BCAR3: variants seen among roughly 807,000 people sequenced by gnomAD.
BCAR3 encodes breast cancer anti-estrogen resistance protein 3.
A neutral mutation model predicts 80.1 loss-of-function variants in BCAR3; 37 were observed. The observed-to-expected ratio is 0.46, with a 90% CI of 0.36 to 0.61. BCAR3 has a LOEUF of 0.61. Ranked by LOEUF, BCAR3 falls within the 20% of genes least tolerant of loss-of-function variation. The pLI, the probability that BCAR3 is intolerant of heterozygous loss-of-function variation, is 0.00. For missense variants in BCAR3, 978 were observed against 1,068.2 expected (o/e 0.92, Z 1.18); for synonymous variants, 389 against 418.9 (o/e 0.93, Z 0.87).
intron 3 of BCAR3, among the ~76,000 whole-genome samples, chr1:93,689,614 G>C (rs1460883197): frequency 6.6e-6 from 1 of 151,998 alleles, no homozygotes; most frequent in African/African-American, 2.4e-5. Flanking sequence ...AGTTGTAGGG[G>C]GGCAGGGAGC....
At chr1:93,823,614 C>A (rs1654294440) in intron 2 of BCAR3, among the ~76,000 whole-genome samples, 1 of 135,152 alleles carries the variant, frequency 7.4e-6, no homozygotes, top group African/African-American at 2.5e-5. Flanking sequence ...GAGAAGACAG[C>A]CCTGGCAGCC....
chr1:93,573,645 T>C (rs1673327489), intron 8 of BCAR3, among the ~76,000 whole-genome samples: 1 of 141,294 alleles, frequency 7.1e-6, no homozygotes, highest in African/African-American at 3.1e-5. Context: ...TTTTTTTTTT[T>C]TGAGACAGGG....
chr1:93,690,025 G>T (rs1649137509), intron 3 of BCAR3, among the ~76,000 whole-genome samples: 1 of 152,162 alleles, frequency 6.6e-6, no homozygotes, highest in South Asian at 2.1e-4. Flanking sequence ...ATCTGTAGAG[G>T]AATTATTTAA....
chr1:93,723,680 G>C lies in BCAR3; in HGVS notation c.-62-17538C>G, dbSNP rs1376863951. ...CAGGAACAACAAGACTTGGGAGGTT[G>C]TTCTTGAGGACTGAATGATCCTGAG... On this transcript the variant is annotated intron_variant, in intron 2 of 13. Coordinates refer to the BCAR3 transcript ENST00000370244. 5 of 152,080 alleles carry C rather than the reference G, an allele frequency of 3.3e-5. No individual in the cohort carries two copies. In the East Asian group the frequency reaches 9.6e-4, roughly 29 times the overall value. The allele number at this position is 152,080 out of a possible 1,614,324, so 9.4% of individuals were successfully genotyped here. A position where few individuals can be genotyped will look rare whatever the true frequency, so the allele number is the denominator to read the frequency against.
At chr1:93,658,311 G>C (rs1647486700) in intron 2 of BCAR3, among the ~76,000 whole-genome samples, 1 of 152,054 alleles carries the variant, frequency 6.6e-6, no homozygotes, top group Non-Finnish European at 1.5e-5. Context: ...AGAAATAAAA[G>C]GTATCAGGAC....
chr1:93,778,741 C>T (rs920961143), intron 2 of BCAR3, among the ~76,000 whole-genome samples: 5 of 152,162 alleles, frequency 3.3e-5, no homozygotes, highest in African/African-American at 1.2e-4. Flanking sequence ...TTCTCCAACC[C>T]TTCTTTGCTC....
At chr1:93,583,602 G>T (rs1236100766) in intron 6 of BCAR3, among the ~76,000 whole-genome samples, 1 of 152,142 alleles carries the variant, frequency 6.6e-6, no homozygotes, top group South Asian at 2.1e-4. Flanking sequence ...GAGTTGGCCT[G>T]GACAGCTGTT....
chr1:93,718,175 G>T (rs1470151348), intron 2 of BCAR3, among the ~76,000 whole-genome samples: 6 of 152,110 alleles, frequency 3.9e-5, no homozygotes, highest in Non-Finnish European at 5.9e-5. Context: ...AGAGGATGAG[G>T]AGAAGTTTCA....
chr1:93,627,891 A>G (rs1675498466), intron 3 of BCAR3, among the ~76,000 whole-genome samples: 1 of 152,202 alleles, frequency 6.6e-6, no homozygotes, highest in Admixed American at 6.5e-5. Context: ...ATAAGTTTTC[A>G]GTATCTTACC....
chr1:93,805,075 T>C (rs1329067390), intron 2 of BCAR3, among the ~76,000 whole-genome samples: 1 of 152,274 alleles, frequency 6.6e-6, no homozygotes, highest in Non-Finnish European at 1.5e-5. Context: ...ATCTTCATCA[T>C]AACATTGTTT....
chr1:93,652,299 T>A (rs1280944023), intron 2 of BCAR3, among the ~76,000 whole-genome samples: 1 of 152,168 alleles, frequency 6.6e-6, no homozygotes, highest in Non-Finnish European at 1.5e-5. Context: ...GACAGTATCA[T>A]AAAACCAAGT....
intron 2 of BCAR3, among the ~76,000 whole-genome samples, chr1:93,708,124 G>A (rs1649888025): frequency 6.6e-6 from 1 of 152,198 alleles, no homozygotes; most frequent in Non-Finnish European, 1.5e-5. Flanking sequence ...TACAATAAAG[G>A]AAGGAGATAA....
chr1:93,568,140 CAT>C, intron 9 of BCAR3: 12 of 283,192 alleles, frequency 4.2e-5, no homozygotes, highest in Non-Finnish European at 7.5e-5. Flanking sequence ...GAGCCAAGAT[CAT>C]GCCACTGCAC....
chr1:93,602,578 A>T (rs1012378133), intron 3 of BCAR3: 3 of 152,230 alleles, frequency 2.0e-5, no homozygotes, highest in African/African-American at 7.2e-5. Flanking sequence ...CCAACCCGAA[A>T]TGAAGTTCTT....
chr1:93,614,250 G>A (rs1675037806), intron 3 of BCAR3: 1 of 702,212 alleles, frequency 1.4e-6, no homozygotes, highest in Non-Finnish European at 1.7e-6. Context: ...GAGGCCTTGG[G>A]CTTTAGCTGT....
intron 5 of BCAR3, among the ~76,000 whole-genome samples, chr1:93,585,354 G>C (rs7543734): frequency 0.26 from 39,015 of 152,250 alleles, 6,453 homozygotes; most frequent in African/African-American, 0.46. Context: ...GGCGTGCTGC[G>C]TGTACAAAGT....
chr1:93,788,059 A>G (rs961686247), intron 2 of BCAR3, among the ~76,000 whole-genome samples: 1 of 152,198 alleles, frequency 6.6e-6, no homozygotes, highest in African/African-American at 2.4e-5. Flanking sequence ...TTTTATCATT[A>G]TATAATGTCC....
intron 2 of BCAR3, among the ~76,000 whole-genome samples, chr1:93,785,628 A>AT (rs1366333357): frequency 2.6e-5 from 4 of 152,234 alleles, no homozygotes; most frequent in African/African-American, 9.6e-5. Context: ...ACCAACAATA[A>AT]TTAACTAGTG....
chr1:93,672,475 G>T (rs1648260484), intron 2 of BCAR3, among the ~76,000 whole-genome samples: 1 of 152,170 alleles, frequency 6.6e-6, no homozygotes, highest in Non-Finnish European at 1.5e-5. Context: ...ATGAAAAGCG[G>T]TCCACCATAA....
Sources: gnomAD v4.1 joint callset for allele counts (sites outside exome capture counted in the v4.1 genomes callset) on GRCh38, gnomAD v4.1.1 for gene constraint, MANE v1.5 for transcripts, NCBI Gene and HGNC (gene_info 2026-07-23, HGNC 2026-07-21) for gene names.